Variants in DNAH8 observed in about 807,000 individuals in gnomAD.
The protein encoded by DNAH8 is dynein axonemal heavy chain 8.
DNAH8 carries 382 observed loss-of-function variants against 562.1 expected under a neutral mutation model. That is an observed-to-expected ratio of 0.68 (90% CI 0.63 to 0.74). DNAH8 has a LOEUF of 0.74. Ranked by LOEUF, DNAH8 falls within the 30% of genes least tolerant of loss-of-function variation. The probability of loss-of-function intolerance (pLI) is 0.00; values close to 1 mark genes in which losing one functional copy is unlikely to be tolerated. For missense variants in DNAH8, 5,203 were observed against 5,620.4 expected (o/e 0.93, Z 2.37); for synonymous variants, 1,881 against 1,919.4 (o/e 0.98, Z 0.52).
intron 92 of DNAH8, among the ~76,000 whole-genome samples, chr6:39,029,813 A>G (rs1278908428): frequency 5.9e-5 from 9 of 152,162 alleles, no homozygotes; most frequent in Admixed American, 5.9e-4. Flanking sequence ...ACCTCCCTAT[A>G]GAGGTGATCT....
intron 59 of DNAH8, among the ~76,000 whole-genome samples, chr6:38,895,461 T>C (rs975955827): frequency 3.5e-4 from 53 of 152,238 alleles, no homozygotes; most frequent in African/African-American, 1.2e-3. Flanking sequence ...ATATATTTTC[T>C]ACAAATTTTG....
At chr6:38,904,792 CAAAAAAAAAAA>C (rs759782655) in intron 62 of DNAH8, among the ~76,000 whole-genome samples, 1 of 86,404 alleles carries the variant, frequency 1.2e-5, no homozygotes, top group African/African-American at 4.5e-5. Flanking sequence ...AACTCCGTCT[CAAAAAAAAAAA>C]AAAAAAAAAG....
Position 38,999,486 on chromosome 6 carries a change from T to A in DNAH8, c.13214+9314T>A, listed in dbSNP as rs539510854. Among the ~76,000 whole-genome samples the A allele has an allele frequency of 2.0e-3, 297 of 152,126 alleles. 1 individual carries two copies. Among genetic ancestry groups the A allele is most frequent in the African/African-American group, 6.7e-3 (279 of 41,524 alleles). On this transcript the variant is annotated intron_variant, in intron 88 of 92. Coordinates refer to ENST00000327475, the MANE Select transcript of DNAH8 (RefSeq NM_001206927.2). The stretch of plus-strand genomic sequence containing the variant: ...ATGGAAATTTACTGTGGTTTTCTTG[T>A]CTTTAATCATTAAAGATCTGCATTG...
chr6:38,905,216 C>T (rs763502594), intron 62 of DNAH8, among the ~76,000 whole-genome samples: 10 of 152,214 alleles, frequency 6.6e-5, no homozygotes, highest in Non-Finnish European at 1.3e-4. Context: ...GTAACACCTC[C>T]TTCCAGTGAG....
chr6:38,741,182 A>C (rs897807606), intron 7 of DNAH8, among the ~76,000 whole-genome samples: 4 of 152,138 alleles, frequency 2.6e-5, no homozygotes, highest in East Asian at 1.9e-4. Flanking sequence ...AGGCAGGAGG[A>C]TCGCTTCAGC....
intron 91 of DNAH8, among the ~76,000 whole-genome samples, chr6:39,019,669 G>A (rs1766776786): frequency 6.6e-6 from 1 of 152,296 alleles, no homozygotes; most frequent in South Asian, 2.1e-4. Flanking sequence ...ACTAAACAGG[G>A]AAGTAAATGA....
intron 88 of DNAH8, among the ~76,000 whole-genome samples, chr6:38,994,183 G>C (rs13192951): frequency 0.14 from 21,077 of 151,916 alleles, 1,667 homozygotes; most frequent in Middle Eastern, 0.2. Context: ...ATATACTTAA[G>C]GGCTATTTAT....
At chr6:38,820,532 C>T (rs570056470) in intron 26 of DNAH8, among the ~76,000 whole-genome samples, 75 of 152,176 alleles carry the variant, frequency 4.9e-4, no homozygotes, top group African/African-American at 1.7e-3. Context: ...AAAGCTCAAA[C>T]CATAGAAGAA....
chr6:38,909,795 C>CTCTTGGGAATA, intron 65 of DNAH8, 51 bp downstream of exon 65: 3 of 1,422,150 alleles, frequency 2.1e-6, no homozygotes, highest in Non-Finnish European at 3.0e-6. Context: ...GCATGTATTC[C>CTCTTGGGAATA]CAAGAGGAAT....
chr6:38,735,802 T>G (rs1169426134), intron 5 of DNAH8, among the ~76,000 whole-genome samples: 2 of 152,210 alleles, frequency 1.3e-5, no homozygotes, highest in African/African-American at 4.8e-5. Context: ...TTTACCTGTA[T>G]ATCTCTAAAT....
At chr6:38,897,968 A>C (rs1408282002) in intron 60 of DNAH8, among the ~76,000 whole-genome samples, 1 of 152,176 alleles carries the variant, frequency 6.6e-6, no homozygotes, top group Non-Finnish European at 1.5e-5. Flanking sequence ...GTAAGTAAAA[A>C]CCAAGAAAAA....
At position 38,872,933 on chromosome 6, in the gene DNAH8, G is replaced by A. The variant is rs1354819393; in HGVS notation, c.7265G>A (p.Gly2422Asp). The change falls in exon 51 of 93, where the codon GGT becomes GAT. Residue 2422 changes from glycine (G) to aspartate (D), a missense_variant. Coordinates refer to ENST00000327475, the MANE Select transcript of DNAH8 (RefSeq NM_001206927.2). ...GAAAACATTTTCCTCATTTTAGATG[G>A]TCCTGTGGATGCCATCTGGATTGAG... is the stretch of plus-strand genomic sequence containing the variant. ...KGENIFLILD[G>D]PVDAIWIENL... 2 of 1,613,898 alleles carry A rather than the reference G, an allele frequency of 1.2e-6. No homozygotes were observed. The highest frequency in any genetic ancestry group is 1.7e-5 in the Admixed American group (1 of 59,992).
chr6:38,977,905 A>G (rs1323299908), intron 85 of DNAH8, among the ~76,000 whole-genome samples: 1 of 152,228 alleles, frequency 6.6e-6, no homozygotes, highest in African/African-American at 2.4e-5. Context: ...CACTTAAGTC[A>G]AAATCCCCAG....
At chr6:38,725,157 G>A (rs568889482) in intron 3 of DNAH8, among the ~76,000 whole-genome samples, 5 of 151,826 alleles carry the variant, frequency 3.3e-5, no homozygotes, top group African/African-American at 1.2e-4. Context: ...ACAAAAATTA[G>A]CTGGGTGTGG....
At chr6:38,898,237 T>A in intron 60 of DNAH8, 21 bp from the exon 61 acceptor site, 1 of 1,566,416 alleles carries the variant, frequency 6.4e-7, no homozygotes, top group Non-Finnish European at 8.6e-7. Context: ...ATTATTTTTT[T>A]ATCTTTCTCT....
chr6:38,984,742 G>A (rs549477261), intron 87 of DNAH8, among the ~76,000 whole-genome samples: 1 of 152,230 alleles, frequency 6.6e-6, no homozygotes, highest in East Asian at 1.9e-4. Flanking sequence ...AGTGAACCGG[G>A]ATCGCACCAC....
At chr6:38,981,289 A>G (rs1764018643) in intron 85 of DNAH8, among the ~76,000 whole-genome samples, 1 of 152,088 alleles carries the variant, frequency 6.6e-6, no homozygotes, top group Non-Finnish European at 1.5e-5. Context: ...AAACATCTGG[A>G]CTCATCTATG....
intron 91 of DNAH8, among the ~76,000 whole-genome samples, chr6:39,012,926 A>G (rs191341523): frequency 5.3e-5 from 8 of 152,346 alleles, no homozygotes; most frequent in Admixed American, 2.0e-4. Flanking sequence ...ATGAAAGAGT[A>G]AAAAGAAGTT....
chr6:39,001,663 A>G (rs1396340385), intron 88 of DNAH8, among the ~76,000 whole-genome samples: 1 of 152,168 alleles, frequency 6.6e-6, no homozygotes, highest in African/African-American at 2.4e-5. Flanking sequence ...CAGAAGCTGG[A>G]GATAGAAAAA....
Sources: gnomAD v4.1 joint callset for allele counts (sites outside exome capture counted in the v4.1 genomes callset) on GRCh38, gnomAD v4.1.1 for gene constraint, MANE v1.5 for transcripts, NCBI Gene and HGNC (gene_info 2026-07-23, HGNC 2026-07-21) for gene names.